HECW2: variants seen among roughly 807,000 people sequenced by gnomAD.
HECW2 encodes HECT, C2 and WW domain containing E3 ubiquitin protein ligase 2, also known as E3 ubiquitin-protein ligase HECW2.
In HECW2, 61 loss-of-function variants were observed where a neutral mutation model predicts 175.2. The ratio of observed to expected loss-of-function variants is 0.35; its 90% CI spans 0.28 to 0.43. The LOEUF (loss-of-function observed/expected upper bound fraction) is 0.43, where lower values mean the gene tolerates loss of function less well. Ranked by LOEUF, HECW2 falls within the 20% of genes least tolerant of loss-of-function variation. The probability of loss-of-function intolerance (pLI) is 1.00; values close to 1 mark genes in which losing one functional copy is unlikely to be tolerated. For missense variants in HECW2, 1,524 were observed against 2,000.5 expected, an observed-to-expected ratio of 0.76 and a Z score of 4.54; for synonymous variants, 671 against 731.0, an observed-to-expected ratio of 0.92 and a Z score of 1.32.
intron 22 of HECW2, among the ~76,000 whole-genome samples, chr2:196,226,516 C>T (rs150414751): frequency 6.6e-6 from 1 of 152,302 alleles, no homozygotes; most frequent in African/African-American, 2.4e-5. Context: ...TATTTAGAGA[C>T]CCTGCTCCAC....
chr2:196,444,643 A>ATGAC (rs1696132320), intron 1 of HECW2, among the ~76,000 whole-genome samples: 2 of 152,196 alleles, frequency 1.3e-5, no homozygotes, highest in South Asian at 4.1e-4. Context: ...CTTCCAATCA[A>ATGAC]GTAAATGACG....
intron 21 of HECW2, among the ~76,000 whole-genome samples, chr2:196,233,052 T>C (rs1169132776): frequency 6.6e-6 from 1 of 152,210 alleles, no homozygotes; most frequent in Non-Finnish European, 1.5e-5. Context: ...GTAAAACATG[T>C]CACAGCAGGG....
intron 1 of HECW2, among the ~76,000 whole-genome samples, chr2:196,489,999 C>T (rs1687129302): frequency 6.6e-6 from 1 of 152,164 alleles, no homozygotes; most frequent in Non-Finnish European, 1.5e-5. Flanking sequence ...CTCCATACTG[C>T]ATAATGTCCA....
chr2:196,239,190 T>C (rs1688360496), intron 21 of HECW2: 1 of 152,212 alleles, frequency 6.6e-6, no homozygotes, highest in Admixed American at 6.5e-5. Flanking sequence ...TCTGTACAAA[T>C]TTTGTCATGT....
chr2:196,404,819 C>CTTTTTTTTTTTTTTTTTTTTTTTTTTT (rs71012909), intron 2 of HECW2, among the ~76,000 whole-genome samples: 1 of 80,378 alleles, frequency 1.2e-5, no homozygotes, highest in African/African-American at 5.4e-5. Context: ...TTTTTCTTCT[C>CTTTTTTTTTTTTTTTTTTTTTTTTTTT]TTTTTTTTTT....
At position 196,198,308 on chromosome 2, in the gene HECW2, T is replaced by A. The variant is rs1371711341; in HGVS notation, c.*2969A>T. On this transcript the variant is annotated 3_prime_UTR_variant, in exon 29 of 29. Transcript: ENST00000644978. ...TGACATACTATTACTTGCCATTGCT[T>A]CCCAATAGAAACAGCATTGATGTAA... The A allele has an allele frequency of 2.0e-5, 3 of 152,210 alleles. No individual in the cohort carries two copies. The highest frequency in any genetic ancestry group is 4.4e-5 in the Non-Finnish European group (3 of 68,038). 9.4% of individuals were successfully genotyped at this position (152,210 alleles called of 1,614,324 possible). A position where few individuals can be genotyped will look rare whatever the true frequency, so the allele number is the denominator to read the frequency against.
At chr2:196,373,326 C>T (rs1693957301) in intron 2 of HECW2, among the ~76,000 whole-genome samples, 2 of 152,176 alleles carry the variant, frequency 1.3e-5, no homozygotes, top group African/African-American at 4.8e-5. Context: ...TTTCAATTAA[C>T]CAAAGGAATT....
At chr2:196,263,701 C>T (rs1464476249) in intron 17 of HECW2, 4 of 152,160 alleles carry the variant, frequency 2.6e-5, no homozygotes, top group Admixed American at 6.5e-5. Context: ...TATGGTCATA[C>T]GATTCTTATG....
At chr2:196,335,301 C>T (rs995411994) in intron 3 of HECW2, among the ~76,000 whole-genome samples, 3 of 152,150 alleles carry the variant, frequency 2.0e-5, no homozygotes, top group Non-Finnish European at 4.4e-5. Context: ...TTCCAAAGCA[C>T]GAAACCAAAC....
chr2:196,373,827 T>A (rs755883835), intron 2 of HECW2, among the ~76,000 whole-genome samples: 16 of 151,928 alleles, frequency 1.1e-4, no homozygotes, highest in Non-Finnish European at 2.4e-4. Context: ...GGTCAGGAGA[T>A]CGAGACCATC....
intron 2 of HECW2, among the ~76,000 whole-genome samples, chr2:196,365,385 C>T (rs1693716411): frequency 2.0e-5 from 3 of 152,164 alleles, no homozygotes; most frequent in African/African-American, 7.2e-5. Flanking sequence ...TATGAATTTC[C>T]TTTGTGTTTT....
At chr2:196,576,856 G>T (rs1016888525) in intron 1 of HECW2, among the ~76,000 whole-genome samples, 1 of 151,886 alleles carries the variant, frequency 6.6e-6, no homozygotes, top group Non-Finnish European at 1.5e-5. Flanking sequence ...CCTCAATAAA[G>T]CTGGAAAAAG....
At chr2:196,488,981 C>T (rs1408745797) in intron 1 of HECW2, among the ~76,000 whole-genome samples, 3 of 152,020 alleles carry the variant, frequency 2.0e-5, no homozygotes, top group African/African-American at 7.2e-5. Context: ...AAAATATTAC[C>T]TACACATACT....
At chr2:196,275,750 TAA>T (rs200671171) in intron 15 of HECW2, among the ~76,000 whole-genome samples, 3 of 144,814 alleles carry the variant, frequency 2.1e-5, no homozygotes, top group Non-Finnish European at 3.0e-5. Context: ...GACTCTGTCT[TAA>T]AAAAAAAAAA....
At chr2:196,507,349 A>G (rs2125411084) in intron 1 of HECW2, among the ~76,000 whole-genome samples, 1 of 152,370 alleles carries the variant, frequency 6.6e-6, no homozygotes, top group Admixed American at 6.5e-5. Flanking sequence ...AGTGTTACAT[A>G]ACATGACCAA....
In HECW2 at chr2:196,228,668, A is replaced by C. The variant is rs537098095; in HGVS notation, c.3765-414T>G. On this transcript the variant is annotated intron_variant, in intron 21 of 28. Transcript: ENST00000644978. ...GGTAAAACCAGGGGGAATCAGTTAC[A>C]TATGCTCACAGGACATGGAGTCCTC... Among the ~76,000 whole-genome samples, 10 of 152,368 alleles carry C rather than the reference A, an allele frequency of 6.6e-5. 1 individual carries two copies. In the South Asian group the frequency reaches 2.1e-3, roughly 32 times the overall value.
Position 196,200,174 on chromosome 2 carries a change from GCA to G in HECW2, c.*1101_*1102del, listed in dbSNP as rs1318909449. The G allele has an allele frequency of 6.6e-6, 1 of 152,600 alleles. No individual in the cohort carries two copies. Among genetic ancestry groups the G allele is most frequent in the East Asian group, 1.9e-4 (1 of 5,206 alleles). The allele number at this position is 152,600 out of a possible 1,614,324, so 9.5% of individuals were successfully genotyped here. A position where few individuals can be genotyped will look rare whatever the true frequency, so the allele number is the denominator to read the frequency against. The stretch of plus-strand genomic sequence containing the variant: ...AATCTTAAAAAATTATTACTTAGAT[GCA>G]CAGTCCTTGTAGTGGTAGACACGGC... On this transcript the variant is annotated 3_prime_UTR_variant, in exon 29 of 29. Transcript: ENST00000644978.
chr2:196,390,753 C>T (rs182350604), intron 2 of HECW2, among the ~76,000 whole-genome samples: 1 of 152,280 alleles, frequency 6.6e-6, no homozygotes. Flanking sequence ...CTTTGCAAAA[C>T]ATGTCACCAT....
intron 1 of HECW2, among the ~76,000 whole-genome samples, chr2:196,465,650 C>T (rs1696921271): frequency 1.3e-5 from 2 of 151,310 alleles, no homozygotes; most frequent in Non-Finnish European, 2.9e-5. Context: ...TCTACAAATT[C>T]CTGTGCTTAT....
Sources: gnomAD v4.1 joint callset for allele counts (sites outside exome capture counted in the v4.1 genomes callset) on GRCh38, gnomAD v4.1.1 for gene constraint, MANE v1.5 for transcripts, NCBI Gene and HGNC (gene_info 2026-07-23, HGNC 2026-07-21) for gene names.